RNF175: variants seen among roughly 807,000 people sequenced by gnomAD.
RNF175 encodes ring finger protein 175.
Under a neutral mutation model 50.0 loss-of-function variants are expected in RNF175, and 38 were observed. That is an observed-to-expected ratio of 0.76 (90% CI 0.59 to 1.00). The LOEUF (loss-of-function observed/expected upper bound fraction) is 1.00, where lower values mean the gene tolerates loss of function less well. Ranked by LOEUF, RNF175 falls within the 50% of genes least tolerant of loss-of-function variation. The pLI is 0.00. For synonymous variants in RNF175, 155 were observed against 146.1 expected (o/e 1.06, Z -0.44); for missense variants, 388 against 409.6 (o/e 0.95, Z 0.46).
intron 5 of RNF175, 44 bp downstream of exon 5, chr4:153,723,307 A>G: frequency 1.0e-6 from 1 of 981,222 alleles, no homozygotes; most frequent in Non-Finnish European, 1.6e-6. Context: ...GAGTGTGCCA[A>G]GCAAGTGCTT....
At chr4:153,728,423 TA>T in intron 3 of RNF175, 62 bp from the exon 4 acceptor site, 2 of 1,396,356 alleles carry the variant, frequency 1.4e-6, no homozygotes, top group Non-Finnish European at 2.0e-6. Flanking sequence ...GCATCTCCAC[TA>T]TTAAATGAGT....
At chr4:153,720,744 C>G in intron 5 of RNF175, 1 of 159,632 alleles carries the variant, frequency 6.3e-6, no homozygotes, top group Admixed American at 6.0e-5. Flanking sequence ...GATTTAAAAG[C>G]ACATTAACAT....
At chr4:153,736,630 A>T (rs2118862) in intron 3 of RNF175, among the ~76,000 whole-genome samples, 26,870 of 152,178 alleles carry the variant, frequency 0.18, 3,086 homozygotes, top group Non-Finnish European at 0.25. Context: ...CCAGTGAAAC[A>T]ACCTGGGCTT....
intron 8 of RNF175, among the ~76,000 whole-genome samples, chr4:153,710,737 A>C (rs775419415): frequency 1.3e-5 from 2 of 152,226 alleles, no homozygotes; most frequent in Non-Finnish European, 2.9e-5. Context: ...AGAAAACAAG[A>C]ATCAAAGGCA....
intron 3 of RNF175, among the ~76,000 whole-genome samples, chr4:153,740,190 C>T (rs1461005236): frequency 6.6e-6 from 1 of 151,592 alleles, no homozygotes; most frequent in East Asian, 1.9e-4. Flanking sequence ...TTATTTTTAG[C>T]ATTTTAAAAG....
chr4:153,732,847 T>A (rs747183043), intron 3 of RNF175, among the ~76,000 whole-genome samples: 3 of 152,226 alleles, frequency 2.0e-5, no homozygotes, highest in Non-Finnish European at 4.4e-5. Context: ...ATATCAAGAT[T>A]ACCAGCTGGA....
In RNF175 at chr4:153,716,962, A is replaced by G. The variant is rs147188567; in HGVS notation, c.631-1300T>C. On this transcript the variant is annotated intron_variant, in intron 6 of 8. Coordinates refer to ENST00000347063, the MANE Select transcript of RNF175 (RefSeq NM_173662.4). ...AACATGTAGACTAGTGATTTTGCCA[A>G]ACAAGTGGGTATCATAGCCTAGGCA... Among the ~76,000 whole-genome samples the G allele has an allele frequency of 5.2e-3, 792 of 152,352 alleles. 5 individuals are homozygous for G. Among genetic ancestry groups the G allele is most frequent in the African/African-American group, 0.017 (712 of 41,576 alleles).
chr4:153,751,757 C>T (rs1328440911), intron 1 of RNF175, among the ~76,000 whole-genome samples: 1 of 152,294 alleles, frequency 6.6e-6, no homozygotes, highest in East Asian at 1.9e-4. Context: ...GCAAATCAGT[C>T]AAAGTTACAG....
chr4:153,719,876 T>C (rs752586298), intron 6 of RNF175, among the ~76,000 whole-genome samples: 2 of 152,246 alleles, frequency 1.3e-5, no homozygotes, highest in Non-Finnish European at 2.9e-5. Flanking sequence ...TCCTTAAATG[T>C]TGGCAATTGG....
chr4:153,739,822 G>T (rs567548186), intron 3 of RNF175, among the ~76,000 whole-genome samples: 62 of 152,236 alleles, frequency 4.1e-4, no homozygotes, highest in Non-Finnish European at 7.6e-4. Flanking sequence ...CCCAGGTATA[G>T]ATTTCTTGGT....
At chr4:153,749,270 CAT>C (rs771371694) in intron 2 of RNF175, among the ~76,000 whole-genome samples, 3 of 152,218 alleles carry the variant, frequency 2.0e-5, no homozygotes, top group South Asian at 4.1e-4. Flanking sequence ...CTATAAAGCA[CAT>C]GTTATTTTAT....
At chr4:153,725,310 A>T (rs1328191661) in intron 4 of RNF175, among the ~76,000 whole-genome samples, 1 of 152,130 alleles carries the variant, frequency 6.6e-6, no homozygotes. Context: ...AGCAGTTTAG[A>T]TCATTGCTCA....
chr4:153,755,059 A>G (rs982719696), intron 1 of RNF175, among the ~76,000 whole-genome samples: 1 of 152,230 alleles, frequency 6.6e-6, no homozygotes, highest in Non-Finnish European at 1.5e-5. Flanking sequence ...AGGTAGGGAG[A>G]ATGTGGCTAC....
chr4:153,759,652 C>G (rs1341788365), intron 1 of RNF175, 145 bp downstream of exon 1: 1 of 513,190 alleles, frequency 1.9e-6, no homozygotes, highest in Non-Finnish European at 3.3e-6. Context: ...GAAGGTCATG[C>G]GTCCGTCCCC....
intron 2 of RNF175, 151 bp downstream of exon 2, chr4:153,751,287 C>T: frequency 1.6e-6 from 1 of 630,178 alleles, no homozygotes; most frequent in South Asian, 1.8e-5. Flanking sequence ...GAAATCCATG[C>T]ATTTTGGTCT....
rs1737474033 is a variant in RNF175 at position 153,710,287 on chromosome 4, T to C, written c.*82A>G. ...TTAGTTTTCTAAACACTTGGGATCA[T>C]CTCTAAAATTAAAAAAATTAATATT... On this transcript the variant is annotated 3_prime_UTR_variant, in exon 9 of 9. Coordinates refer to ENST00000347063, the MANE Select transcript of RNF175 (RefSeq NM_173662.4). 9.1e-7 allele frequency: 1 copy of C among 1,095,652 alleles called. No individual in the cohort carries two copies. Among genetic ancestry groups the C allele is most frequent in the Non-Finnish European group, 1.3e-6 (1 of 796,756 alleles). The allele number at this position is 1,095,652 out of a possible 1,614,324, so 67.9% of individuals were successfully genotyped here. A position where few individuals can be genotyped will look rare whatever the true frequency, so the allele number is the denominator to read the frequency against.
Position 153,720,205 on chromosome 4 carries a change from G to T in RNF175, c.609C>A (p.Asp203Glu), listed in dbSNP as rs1328210024. 1.9e-6 allele frequency: 3 copies of T among 1,613,774 alleles called. No individual in the cohort carries two copies. Among genetic ancestry groups the T allele is most frequent in the Non-Finnish European group, 2.5e-6 (3 of 1,179,730 alleles). The change falls in exon 6 of 9, where the codon GAC becomes GAA. Residue 203 changes from aspartate (D) to glutamate (E), a missense_variant. Physicochemically the swap from Asp to Glu is conservative, Grantham distance 45 (BLOSUM62 2). Coordinates refer to ENST00000347063, the MANE Select transcript of RNF175 (RefSeq NM_173662.4). ...MGRDFAEICS[D>E]YMASTIGFYS... ...TTACCCCTATAGTGGAAGCCATGTAGTCTGAGCAGATCTCGGCAAAGTCTC... is the reference window on the plus strand; with the variant it reads ...TTACCCCTATAGTGGAAGCCATGTATTCTGAGCAGATCTCGGCAAAGTCTC...
chr4:153,759,495 C>T (rs535861214), intron 1 of RNF175, among the ~76,000 whole-genome samples: 1 of 152,130 alleles, frequency 6.6e-6, no homozygotes, highest in Admixed American at 6.5e-5. Flanking sequence ...AGGGGTGAGC[C>T]TGGAAGAGAA....
chr4:153,712,434 T>A lies in RNF175; in HGVS notation c.866+41A>T, dbSNP rs774336489. ...ATTGAAGAATATATCCCCAGAAACATTCAAGATAATCTCTTATAACCTTTT... is the reference window on the plus strand; with the variant it reads ...ATTGAAGAATATATCCCCAGAAACAATCAAGATAATCTCTTATAACCTTTT... On this transcript the variant is annotated intron_variant, in intron 8 of 8. Coordinates refer to ENST00000347063, the MANE Select transcript of RNF175 (RefSeq NM_173662.4). 1.2e-5 allele frequency: 14 copies of A among 1,175,598 alleles called. No homozygotes were observed. The East Asian group carries it at 3.4e-4, about 28-fold the overall frequency. The allele number at this position is 1,175,598 out of a possible 1,614,324, so 72.8% of individuals were successfully genotyped here. A position where few individuals can be genotyped will look rare whatever the true frequency, so the allele number is the denominator to read the frequency against.
Sources: allele counts gnomAD v4.1 joint callset (sites outside exome capture counted in the v4.1 genomes callset), GRCh38; gene constraint gnomAD v4.1.1; transcripts MANE v1.5; gene names NCBI Gene and HGNC (gene_info 2026-07-23, HGNC 2026-07-21).